Variants in ZGPAT observed in about 807,000 individuals in gnomAD.
ZGPAT encodes the protein zinc finger CCCH-type with G patch domain-containing protein.
Under a neutral mutation model 47.9 loss-of-function variants are expected in ZGPAT, and 39 were observed. The observed-to-expected ratio is 0.81, with a 90% CI of 0.63 to 1.06. ZGPAT has a LOEUF of 1.06. ZGPAT is among the 50% of genes least tolerant of loss of function. The probability of loss-of-function intolerance (pLI) is 0.00; values close to 1 mark genes in which losing one functional copy is unlikely to be tolerated. For synonymous variants in ZGPAT, 348 were observed against 292.9 expected (o/e 1.19, Z -1.92); for missense variants, 717 against 681.4 (o/e 1.05, Z -0.58).
chr20:63,716,166 A>G (rs2091726504), intron 2 of ZGPAT, among the ~76,000 whole-genome samples: 1 of 152,058 alleles, frequency 6.6e-6, no homozygotes, highest in Admixed American at 6.6e-5. Flanking sequence ...AGTATCTCGG[A>G]CTACAGGCGC....
At chr20:63,733,036 ATGTG>A (rs113843559) in intron 2 of ZGPAT, among the ~76,000 whole-genome samples, 179 bp from the exon 3 acceptor site, 3,255 of 151,258 alleles carry the variant, frequency 0.022, 53 homozygotes, top group African/African-American at 0.024. Flanking sequence ...GAGTGTGTGC[ATGTG>A]TGTGTGTATG....
intron 2 of ZGPAT, among the ~76,000 whole-genome samples, chr20:63,726,356 G>A (rs1175480595): frequency 3.3e-5 from 5 of 150,498 alleles, no homozygotes; most frequent in African/African-American, 9.8e-5. Flanking sequence ...CCGCCACCAC[G>A]CCCAGCTAAT....
Position 63,734,707 on chromosome 20 carries a change from G to A in ZGPAT, c.874G>A (p.Val292Met). 3 of 1,613,914 alleles carry A rather than the reference G, an allele frequency of 1.9e-6. No homozygotes were observed. The highest frequency in any genetic ancestry group is 2.5e-6 in the Non-Finnish European group (3 of 1,179,882). The change falls in exon 5 of 7, where the codon GTG (valine) becomes ATG (methionine). Residue 292 changes from valine (V) to methionine (M), a missense_variant and splice_region_variant. Coordinates refer to ENST00000355969, the MANE Select transcript of ZGPAT (RefSeq NM_181485.3). ...GTGDSSYARV[V>M]GSDAVDSGTC... Reference sequence around the variant, plus strand: ...TGCCCTCTGTCCGTCTCTTGCAGTGGTGGGGTCAGATGCTGTGGACTCTGG... The same window carrying A: ...TGCCCTCTGTCCGTCTCTTGCAGTGATGGGGTCAGATGCTGTGGACTCTGG...
chr20:63,717,112 T>C (rs574774703), intron 2 of ZGPAT, among the ~76,000 whole-genome samples: 2 of 152,308 alleles, frequency 1.3e-5, no homozygotes, highest in East Asian at 3.9e-4. Flanking sequence ...CCACCACGCA[T>C]GGCCTGTCTT....
chr20:63,711,572 T>G (rs1372566372), intron 2 of ZGPAT, among the ~76,000 whole-genome samples: 1 of 151,994 alleles, frequency 6.6e-6, no homozygotes, highest in African/African-American at 2.4e-5. Context: ...CATTCAGGAC[T>G]GATAAGTTCT....
chr20:63,732,964 GTGTA>G (rs1047585494), intron 2 of ZGPAT, among the ~76,000 whole-genome samples: 5 of 150,648 alleles, frequency 3.3e-5, no homozygotes, highest in African/African-American at 1.2e-4. Flanking sequence ...GTATGTGTGA[GTGTA>G]TGTGTGCATG....
intron 2 of ZGPAT, among the ~76,000 whole-genome samples, chr20:63,730,922 TTC>T (rs33915732): frequency 0.018 from 2,229 of 124,464 alleles, 25 homozygotes; most frequent in South Asian, 0.025. Context: ...TTCCTCTTCA[TTC>T]TCTCTCTCTC....
intron 2 of ZGPAT, chr20:63,730,020 G>C: frequency 6.6e-6 from 1 of 151,340 alleles, no homozygotes; most frequent in African/African-American, 2.4e-5. Flanking sequence ...ACTCTACTGC[G>C]CACACACACA....
At position 63,712,336 on chromosome 20, in the gene ZGPAT, C is replaced by T. The variant is rs2091677438; in HGVS notation, c.584+3172C>T. 2.0e-5 allele frequency among the ~76,000 whole-genome samples: 3 copies of T among 152,158 alleles called. No homozygotes were observed. The South Asian group carries it at 6.2e-4, about 31-fold the overall frequency. On this transcript the variant is annotated intron_variant, in intron 2 of 6. Coordinates refer to ENST00000355969, the MANE Select transcript of ZGPAT (RefSeq NM_181485.3). ...ATATATGTAAGGGTTTATTTCTGAG[C>T]TCTCTCTCCTGTTCCATTGGTGTAT... is the stretch of plus-strand genomic sequence containing the variant.
intron 4 of ZGPAT, chr20:63,734,473 G>A: frequency 1.3e-6 from 1 of 754,878 alleles, no homozygotes. Flanking sequence ...GGACTGCCAT[G>A]CACTCTGCCT....
chr20:63,734,442 C>T (rs1368047863), intron 4 of ZGPAT: 3 of 585,060 alleles, frequency 5.1e-6, no homozygotes, highest in Middle Eastern at 4.9e-4. Context: ...GGAGGAGGGG[C>T]CACGGTGCAG....
intron 1 of ZGPAT, among the ~76,000 whole-genome samples, 190 bp from the exon 2 acceptor site, chr20:63,708,363 G>T (rs989261823): frequency 3.3e-5 from 5 of 152,050 alleles, no homozygotes; most frequent in African/African-American, 1.2e-4. Flanking sequence ...CTAGCGGCGA[G>T]CCCACGGCGG....
chr20:63,709,756 G>A (rs1191630537), intron 2 of ZGPAT, among the ~76,000 whole-genome samples: 3 of 152,006 alleles, frequency 2.0e-5, no homozygotes, highest in Non-Finnish European at 2.9e-5. Flanking sequence ...CTGGCTCACT[G>A]CAGCCTGGAC....
chr20:63,736,105 C>T lies in ZGPAT; in HGVS notation c.*186C>T. ...CACCTGCCAGTGTCTTGGGCATTTC[C>T]TTGGCAAGGACATTAAAGTGATTTC... is the stretch of plus-strand genomic sequence containing the variant. On this transcript the variant is annotated 3_prime_UTR_variant, in exon 7 of 7. Coordinates refer to ENST00000355969, the MANE Select transcript of ZGPAT (RefSeq NM_181485.3). 2 of 799,284 alleles carry T rather than the reference C, an allele frequency of 2.5e-6. No homozygotes were observed. The allele number at this position is 799,284 out of a possible 1,614,324, so 49.5% of individuals were successfully genotyped here. A position where few individuals can be genotyped will look rare whatever the true frequency, so the allele number is the denominator to read the frequency against.
chr20:63,733,378 G>T, intron 3 of ZGPAT, 26 bp downstream of exon 3: 2 of 1,605,166 alleles, frequency 1.2e-6, no homozygotes, highest in Non-Finnish European at 1.7e-6. Flanking sequence ...GGGGCCTCCC[G>T]GGAACACCCT....
chr20:63,733,518 T>C, intron 3 of ZGPAT, 69 bp from the exon 4 acceptor site: 1 of 1,612,558 alleles, frequency 6.2e-7, no homozygotes, highest in Non-Finnish European at 8.5e-7. Context: ...GCTCCTCATG[T>C]CCAGGGTGGT....
chr20:63,710,728 T>C (rs934184641), intron 2 of ZGPAT, among the ~76,000 whole-genome samples: 2 of 152,196 alleles, frequency 1.3e-5, no homozygotes, highest in Non-Finnish European at 2.9e-5. Context: ...GATTAGGAAA[T>C]TACTTAAAAA....
Position 63,735,422 on chromosome 20 carries a change from A to G in ZGPAT, c.1255A>G (p.Arg419Gly). 1 of 1,571,088 alleles carries G rather than the reference A, an allele frequency of 6.4e-7. No individual in the cohort carries two copies. Among genetic ancestry groups the G allele is most frequent in the Admixed American group, 1.9e-5 (1 of 52,320 alleles). ...ALEAGAAPAG[R>G]RSKDMYHASK... ...AGAAGCCGGGGCGGCCCCAGCGGGG[A>G]GGAGGAGCAAGGACATGTACCATGC... Residue 419 changes from arginine to glycine, a missense_variant, in exon 6 of 7, where the codon AGG becomes GGG. Arg to Gly is a moderately radical substitution (Grantham distance 125, BLOSUM62 -2). Transcript: ENST00000355969.
Position 63,735,514 on chromosome 20 carries a change from C to A in ZGPAT, c.1347C>A (p.Thr449=). ...AGACTGAGGAGAAGATCGAGCGAAC[C>A]CAGCGGGACATCAGGAGCATCCAGG... ...LFQTEEKIER[T]QRDIRSIQEA... Residue 449 remains threonine, a synonymous_variant, in exon 6 of 7, where the codon ACC becomes ACA. Coordinates refer to ENST00000355969, the MANE Select transcript of ZGPAT (RefSeq NM_181485.3). The A allele has an allele frequency of 1.3e-6, 2 of 1,529,162 alleles. No individual in the cohort carries two copies. Among genetic ancestry groups the A allele is most frequent in the Non-Finnish European group, 1.7e-6 (2 of 1,142,958 alleles). 94.7% of individuals were successfully genotyped at this position (1,529,162 alleles called of 1,614,324 possible). A position where few individuals can be genotyped will look rare whatever the true frequency, so the allele number is the denominator to read the frequency against.
Sources: allele counts gnomAD v4.1 joint callset (sites outside exome capture counted in the v4.1 genomes callset), GRCh38; gene constraint gnomAD v4.1.1; transcripts MANE v1.5; gene names NCBI Gene and HGNC (gene_info 2026-07-23, HGNC 2026-07-21).